The following PCSK5 variants were observed in gnomAD, a reference collection of about 807,000 sequenced individuals.
The protein encoded by PCSK5 is proprotein convertase subtilisin/kexin type 5.
PCSK5 carries 129 observed loss-of-function variants against 233.2 expected under a neutral mutation model. The ratio of observed to expected loss-of-function variants is 0.55; its 90% CI spans 0.48 to 0.64. PCSK5 has a LOEUF of 0.64. Among genes scored for constraint, PCSK5 ranks in the 30% least tolerant of loss-of-function variants. The pLI is 0.00. For missense variants in PCSK5, 2,076 were observed against 2,430.1 expected (o/e 0.85, Z 3.06); for synonymous variants, 825 against 879.2 (o/e 0.94, Z 1.09).
chr9:76,275,137 T>A (rs1433408236), intron 24 of PCSK5, among the ~76,000 whole-genome samples: 1 of 152,318 alleles, frequency 6.6e-6, no homozygotes, highest in Admixed American at 6.5e-5. Flanking sequence ...ATTGTTTTTA[T>A]ACCTATTTGA....
chr9:76,278,733 C>G (rs556749403), intron 24 of PCSK5, among the ~76,000 whole-genome samples: 1 of 152,230 alleles, frequency 6.6e-6, no homozygotes, highest in Middle Eastern at 3.4e-3. Context: ...AGGTAGGTAT[C>G]TACCTACCAT....
At chr9:75,910,728 C>G (rs2131228742) in intron 1 of PCSK5, among the ~76,000 whole-genome samples, 1 of 152,262 alleles carries the variant, frequency 6.6e-6, no homozygotes, top group South Asian at 2.1e-4. Context: ...GCCAATAGCA[C>G]TTGCTTGTGC....
chr9:76,026,562 G>A (rs1306377361), intron 4 of PCSK5, among the ~76,000 whole-genome samples: 1 of 152,132 alleles, frequency 6.6e-6, no homozygotes, highest in Non-Finnish European at 1.5e-5. Context: ...TAAGGAGTAG[G>A]GAGAGAGTCT....
chr9:75,900,627 C>T (rs1326475602), intron 1 of PCSK5, among the ~76,000 whole-genome samples: 8 of 147,970 alleles, frequency 5.4e-5, no homozygotes, highest in East Asian at 4.0e-4. Flanking sequence ...ATCAGTGAGC[C>T]GAGATCATGC....
intron 13 of PCSK5, among the ~76,000 whole-genome samples, chr9:76,170,066 A>G (rs57794478): frequency 0.025 from 3,738 of 152,310 alleles, 154 homozygotes; most frequent in African/African-American, 0.085. Flanking sequence ...ACAAAACATG[A>G]CAGCTTTTGA....
intron 2 of PCSK5, among the ~76,000 whole-genome samples, chr9:75,958,832 C>T (rs1825209260): frequency 6.6e-6 from 1 of 152,162 alleles, no homozygotes; most frequent in African/African-American, 2.4e-5. Context: ...GTGCAAAAAG[C>T]ACATTGTAAA....
At chr9:76,014,984 G>A (rs1229199711) in intron 3 of PCSK5, among the ~76,000 whole-genome samples, 2 of 152,166 alleles carry the variant, frequency 1.3e-5, no homozygotes, top group African/African-American at 4.8e-5. Flanking sequence ...GGGAGAGACA[G>A]AGATTTATCA....
intron 5 of PCSK5, among the ~76,000 whole-genome samples, chr9:76,057,885 G>A (rs918709141): frequency 7.0e-6 from 1 of 142,586 alleles, no homozygotes; most frequent in African/African-American, 2.6e-5. Flanking sequence ...TGCCCAAGCT[G>A]GAGTGCAGTA....
chr9:76,081,106 T>C (rs1340846709), intron 7 of PCSK5, among the ~76,000 whole-genome samples: 2 of 152,142 alleles, frequency 1.3e-5, no homozygotes, highest in Non-Finnish European at 2.9e-5. Context: ...AGAGGTTTTA[T>C]TGTCAAGTAT....
chr9:76,142,459 G>A (rs1201285972), intron 10 of PCSK5, among the ~76,000 whole-genome samples: 1 of 152,082 alleles, frequency 6.6e-6, no homozygotes, highest in Non-Finnish European at 1.5e-5. Flanking sequence ...TGAATAGCAT[G>A]TACAAAACCT....
At chr9:76,083,205 A>C (rs1156320891) in intron 7 of PCSK5, among the ~76,000 whole-genome samples, 1 of 17,012 alleles carries the variant, frequency 5.9e-5, no homozygotes, top group Non-Finnish European at 1.2e-4. Flanking sequence ...GCGAGATCTC[A>C]AAAAAAAAAA....
At chr9:76,344,914 ATGATTGCGGGGATT>A (rs1368353954) in intron 35 of PCSK5, among the ~76,000 whole-genome samples, 1 of 152,190 alleles carries the variant, frequency 6.6e-6, no homozygotes, top group Non-Finnish European at 1.5e-5. Context: ...GCCTTTGAAG[ATGATTGCGGGGATT>A]AGATAAATGA....
intron 24 of PCSK5, among the ~76,000 whole-genome samples, chr9:76,248,210 A>G (rs1826682108): frequency 6.6e-6 from 1 of 152,204 alleles, no homozygotes; most frequent in Non-Finnish European, 1.5e-5. Flanking sequence ...GATTACAGGC[A>G]TGATCTACCG....
At chr9:75,909,366 G>A (rs142630073) in intron 1 of PCSK5, among the ~76,000 whole-genome samples, 261 of 151,406 alleles carry the variant, frequency 1.7e-3, no homozygotes, top group African/African-American at 6.2e-3. Flanking sequence ...TCACCTTTGT[G>A]ACCCAGTTGG....
At chr9:76,280,941 T>A (rs1827844654) in intron 24 of PCSK5, among the ~76,000 whole-genome samples, 1 of 150,818 alleles carries the variant, frequency 6.6e-6, no homozygotes, top group South Asian at 2.1e-4. Flanking sequence ...ACCACAACAT[T>A]TCCTTAAGCC....
chr9:76,343,892 C>T (rs1321334072), intron 35 of PCSK5, among the ~76,000 whole-genome samples: 1 of 151,942 alleles, frequency 6.6e-6, no homozygotes, highest in Non-Finnish European at 1.5e-5. Flanking sequence ...AGTGGTGTAG[C>T]AGCACTGTCC....
chr9:76,046,539 C>CTTTTTTTTTCTTTCTTTTTCT lies in PCSK5; in HGVS notation c.632+19512_632+19532dup, dbSNP rs1829405052. Among the ~76,000 whole-genome samples the CTTTTTTTTTCTTTCTTTTTCT allele has an allele frequency of 3.0e-5, 4 of 131,866 alleles. No individual in the cohort carries two copies. The South Asian group carries it at 9.8e-4, about 32-fold the overall frequency. The allele number at this position is 131,866 out of a possible 152,430, so 86.5% of individuals were successfully genotyped here. ...AGTGAGAAGGAATACAACTCTAGTT[C>CTTTTTTTTTCTTTCTTTTTCT]TTTTTTTTTCTTTCTTTTTCTTTTT... On this transcript the variant is annotated intron_variant, in intron 5 of 37. Transcript: ENST00000674117.
intron 1 of PCSK5, among the ~76,000 whole-genome samples, chr9:75,927,432 A>AGT (rs76898986): frequency 0.11 from 17,418 of 152,096 alleles, 1,575 homozygotes; most frequent in African/African-American, 0.25. Context: ...TGGTGACCCC[A>AGT]GCTTCATAAC....
intron 12 of PCSK5, among the ~76,000 whole-genome samples, chr9:76,166,911 CA>C (rs1823109353): frequency 1.3e-5 from 2 of 152,194 alleles, no homozygotes; most frequent in Admixed American, 1.3e-4. Flanking sequence ...GCCCAACATA[CA>C]CATGTTGTGG....
Sources: allele counts gnomAD v4.1 joint callset (sites outside exome capture counted in the v4.1 genomes callset), GRCh38; gene constraint gnomAD v4.1.1; transcripts MANE v1.5; gene names NCBI Gene and HGNC (gene_info 2026-07-23, HGNC 2026-07-21).